KRT86: variants seen among roughly 807,000 people sequenced by gnomAD.
KRT86 encodes the protein keratin, type II cuticular Hb6.
A neutral mutation model predicts 41.2 loss-of-function variants in KRT86; 30 were observed. That is an observed-to-expected ratio of 0.73 (90% CI 0.54 to 0.99). The LOEUF (loss-of-function observed/expected upper bound fraction) is 0.99. Ranked by LOEUF, KRT86 falls within the 50% of genes least tolerant of loss-of-function variation. KRT86 has a pLI of 0.00. For missense variants in KRT86, 561 were observed against 571.4 expected (o/e 0.98, Z 0.19); for synonymous variants, 238 against 238.1 (o/e 1.00, Z 0.00).
chr12:52,281,441 A>C (rs1429382315), intron 2 of KRT86, among the ~76,000 whole-genome samples: 1 of 152,214 alleles, frequency 6.6e-6, no homozygotes, highest in Non-Finnish European at 1.5e-5. Context: ...TTGAGGCTGC[A>C]TGGTCCTGGT....
At chr12:52,300,598 T>C (rs536877508) in intron 2 of KRT86, among the ~76,000 whole-genome samples, 6 of 152,304 alleles carry the variant, frequency 3.9e-5, no homozygotes, top group African/African-American at 1.2e-4. Flanking sequence ...CTTTGTGAGT[T>C]TAAGACCCAC....
At chr12:52,291,933 G>C (rs1565743363) in intron 2 of KRT86, among the ~76,000 whole-genome samples, 1 of 152,078 alleles carries the variant, frequency 6.6e-6, no homozygotes, top group Non-Finnish European at 1.5e-5. Flanking sequence ...AGGGGTTTCA[G>C]GAAAGGCTGA....
intron 2 of KRT86, among the ~76,000 whole-genome samples, chr12:52,298,723 C>T (rs1010116933): frequency 5.9e-5 from 9 of 152,194 alleles, no homozygotes; most frequent in East Asian, 3.8e-4. Flanking sequence ...AGCTAGAATT[C>T]GAAACGAGGC....
rs1315543274 is a variant in KRT86, at chr12:52,294,685, CAT to C, written c.-4-7227_-4-7226del. On this transcript the variant is annotated intron_variant, in intron 2 of 10. Coordinates refer to ENST00000423955, the MANE Select transcript of KRT86 (RefSeq NM_001320198.2). Reference sequence around the variant, plus strand: ...CTACCACTTATAGGAAAAAATAGAACATGTGTGTATTTCAGGAGCTTCCTATG... The same window carrying C: ...CTACCACTTATAGGAAAAAATAGAACGTGTGTATTTCAGGAGCTTCCTATG... Among the ~76,000 whole-genome samples, 7 of 152,278 alleles carry C rather than the reference CAT, an allele frequency of 4.6e-5. No individual in the cohort carries two copies. In the East Asian group the frequency reaches 7.7e-4, roughly 17 times the overall value.
Position 52,301,763 on chromosome 12 carries a change from C to T in KRT86, c.-4-150C>T, listed in dbSNP as rs1293015100. 1.0e-5 allele frequency: 15 copies of T among 1,503,940 alleles called. No individual in the cohort carries two copies. In the East Asian group the frequency reaches 3.0e-4, roughly 30 times the overall value. The allele number at this position is 1,503,940 out of a possible 1,614,324, so 93.2% of individuals were successfully genotyped here. A position where few individuals can be genotyped will look rare whatever the true frequency, so the allele number is the denominator to read the frequency against. ...AGCTAAACAACCCAAGCCCATAAAG[C>T]CTTCTAATTGCTCCGACCCACGTGG... On this transcript the variant is annotated intron_variant, in intron 2 of 10. Transcript: ENST00000423955.
chr12:52,287,534 T>C lies in KRT86; in HGVS notation c.-5+11588T>C, dbSNP rs1051296348. ...TGCTGAGATCCAGGTAGGGCACACA[T>C]AGGCTGTGTGACAATGGTTAGGCCC... is the stretch of plus-strand genomic sequence containing the variant. On this transcript the variant is annotated intron_variant, in intron 2 of 10. Coordinates refer to ENST00000423955, the MANE Select transcript of KRT86 (RefSeq NM_001320198.2). The C allele has an allele frequency of 6.8e-6, 11 of 1,612,552 alleles. No homozygotes were observed. The African/African-American group carries it at 1.3e-4, about 20-fold the overall frequency.
intron 9 of KRT86, chr12:52,306,707 C>T (rs1184248304): frequency 3.7e-6 from 1 of 272,916 alleles, no homozygotes. Flanking sequence ...AGATAGATGA[C>T]ACTATCAACT....
chr12:52,301,945 G>C lies in KRT86; in HGVS notation c.29G>C (p.Arg10Pro). MTCGSYCGG[R>P]AFSCISACGP... ...ACTTGTGGATCTTACTGTGGTGGCCGCGCCTTCAGCTGCATCTCGGCCTGC... is the reference window on the plus strand; with the variant it reads ...ACTTGTGGATCTTACTGTGGTGGCCCCGCCTTCAGCTGCATCTCGGCCTGC... The change falls in exon 3 of 11, where the codon CGC becomes CCC. Residue 10 changes from arginine (R) to proline (P), a missense_variant. Arg to Pro is a moderately radical substitution (Grantham distance 103). This residue lies in a region of KRT86 where 164 missense variants were observed against 172.5 expected (regional missense o/e 0.95). Coordinates refer to ENST00000423955, the MANE Select transcript of KRT86 (RefSeq NM_001320198.2). 1 of 1,613,778 alleles carries C rather than the reference G, an allele frequency of 6.2e-7. No individual in the cohort carries two copies. Among genetic ancestry groups the C allele is most frequent in the Non-Finnish European group, 8.5e-7 (1 of 1,179,790 alleles).
intron 2 of KRT86, among the ~76,000 whole-genome samples, chr12:52,284,503 T>C (rs754668666): frequency 2.6e-5 from 4 of 152,244 alleles, no homozygotes; most frequent in Non-Finnish European, 5.9e-5. Context: ...GGCCAGCTTC[T>C]GAGCTGTGTG....
In KRT86 at chr12:52,286,988, GAAT is replaced by G. The variant is rs939356400; in HGVS notation, c.-5+11050_-5+11052del. On this transcript the variant is annotated intron_variant, in intron 2 of 10. Transcript: ENST00000423955. ...CACCAGCCCTCCCCACACCGGAAGT[GAAT>G]AATAATATTTTTTTCCCCCAGAGCC... is the stretch of plus-strand genomic sequence containing the variant. 2.6e-5 allele frequency: 42 copies of G among 1,586,732 alleles called. No homozygotes were observed. The African/African-American group carries it at 5.0e-4, about 19-fold the overall frequency.
At chr12:52,287,061 A>G in intron 2 of KRT86, 3 of 1,612,402 alleles carry the variant, frequency 1.9e-6, no homozygotes, top group Non-Finnish European at 2.5e-6. Flanking sequence ...TGTGCCAGGG[A>G]TGGGGAAGGG....
intron 9 of KRT86, 32 bp downstream of exon 9, chr12:52,306,312 C>A: frequency 1.9e-6 from 3 of 1,612,932 alleles, no homozygotes; most frequent in Non-Finnish European, 2.5e-6. Flanking sequence ...CTTTCCCAGC[C>A]CTGCCAGGGT....
chr12:52,281,652 T>A (rs7297756), intron 2 of KRT86, among the ~76,000 whole-genome samples: 40,118 of 151,946 alleles, frequency 0.26, 5,942 homozygotes, highest in East Asian at 0.39. Context: ...TCTTACCTTG[T>A]CCAAACTCTT....
intron 8 of KRT86, 105 bp from the exon 9 acceptor site, chr12:52,305,955 C>G (rs1318406934): frequency 3.8e-6 from 6 of 1,570,290 alleles, no homozygotes; most frequent in East Asian, 2.3e-5. Context: ...GCAAGAGGCT[C>G]TGTTCTGGGG....
At chr12:52,297,187 C>T (rs901159399) in intron 2 of KRT86, among the ~76,000 whole-genome samples, 14 of 152,218 alleles carry the variant, frequency 9.2e-5, no homozygotes, top group Non-Finnish European at 1.3e-4. Context: ...CCTTTCTTGC[C>T]TTTCCCATCA....
intron 8 of KRT86, 128 bp downstream of exon 8, chr12:52,305,916 G>A: frequency 6.3e-7 from 1 of 1,579,222 alleles, no homozygotes; most frequent in South Asian, 1.1e-5. Context: ...GTCCCTGGTT[G>A]TGGTCTCTGT....
chr12:52,280,163 G>A (rs961753683), intron 2 of KRT86, among the ~76,000 whole-genome samples: 5 of 152,130 alleles, frequency 3.3e-5, no homozygotes, highest in Non-Finnish European at 7.4e-5. Context: ...ATCTGGTGGC[G>A]GGCAGAGGAA....
Position 52,286,436 on chromosome 12 carries a change from C to T in KRT86, c.-5+10490C>T, listed in dbSNP as rs139838048. 5.3e-5 allele frequency: 83 copies of T among 1,552,896 alleles called. 2 individuals carry two copies. In the African/African-American group the frequency reaches 7.5e-4, roughly 14 times the overall value. On this transcript the variant is annotated intron_variant, in intron 2 of 10. Coordinates refer to ENST00000423955, the MANE Select transcript of KRT86 (RefSeq NM_001320198.2). Reference sequence around the variant, plus strand: ...GCTGCAGACACTGCCAGTCACTGGCCGGGAGCCTGACACGCAGAGGTCCCC... The same window carrying T: ...GCTGCAGACACTGCCAGTCACTGGCTGGGAGCCTGACACGCAGAGGTCCCC...
intron 2 of KRT86, among the ~76,000 whole-genome samples, chr12:52,282,221 G>T (rs79204357): frequency 6.7e-6 from 1 of 149,262 alleles, no homozygotes. Flanking sequence ...GAAGGTTTTT[G>T]AGCCCCCTGA....
Sources: allele counts gnomAD v4.1 joint callset (sites outside exome capture counted in the v4.1 genomes callset), GRCh38; gene constraint gnomAD v4.1.1; regional missense constraint gnomAD v4.1.1; transcripts MANE v1.5; gene names NCBI Gene and HGNC (gene_info 2026-07-23, HGNC 2026-07-21).